The following CCDC73 variants were observed in gnomAD, a reference collection of about 807,000 sequenced individuals.
CCDC73 encodes the protein coiled-coil domain containing 73, also known as coiled-coil domain-containing protein 73.
CCDC73 carries 95 observed loss-of-function variants against 116.5 expected under a neutral mutation model. The ratio of observed to expected loss-of-function variants is 0.82; its 90% CI spans 0.69 to 0.97. The LOEUF (loss-of-function observed/expected upper bound fraction) is 0.97. Ranked by LOEUF, CCDC73 falls within the 50% of genes least tolerant of loss-of-function variation. CCDC73 has a pLI of 0.00. For missense variants in CCDC73, 1,066 were observed against 1,206.8 expected (o/e 0.88, Z 1.73); for synonymous variants, 398 against 401.3 (o/e 0.99, Z 0.10).
At chr11:32,754,675 G>T (rs1262325368) in intron 2 of CCDC73, among the ~76,000 whole-genome samples, 1 of 152,030 alleles carries the variant, frequency 6.6e-6, no homozygotes, top group African/African-American at 2.4e-5. Flanking sequence ...CTAAATAGCA[G>T]CAAAAGAACT....
chr11:32,631,443 T>G (rs1855629128), intron 14 of CCDC73, among the ~76,000 whole-genome samples: 1 of 152,178 alleles, frequency 6.6e-6, no homozygotes, highest in South Asian at 2.1e-4. Context: ...ATATTTGGAA[T>G]TTTCTCAAAT....
chr11:32,642,355 CT>C (rs1412549534), intron 12 of CCDC73, among the ~76,000 whole-genome samples: 1 of 151,908 alleles, frequency 6.6e-6, no homozygotes, highest in Non-Finnish European at 1.5e-5. Flanking sequence ...TTTTAATGTG[CT>C]GAAAAGGTAA....
chr11:32,809,892 A>G, the CCDC73 span, among the ~76,000 whole-genome samples: 3 of 152,218 alleles, frequency 2.0e-5, no homozygotes, highest in African/African-American at 4.8e-5. Flanking sequence ...AAAAGCATGC[A>G]TCGTAGGTAC....
chr11:32,693,726 C>T (rs562430954), intron 6 of CCDC73, among the ~76,000 whole-genome samples: 4 of 152,326 alleles, frequency 2.6e-5, no homozygotes, highest in South Asian at 2.1e-4. Context: ...ACGAACAAGT[C>T]GGCTTCATCC....
At position 32,699,368 on chromosome 11, in the gene CCDC73, A is replaced by G. The variant is rs771356138; in HGVS notation, c.316-43T>C. 1.2e-5 allele frequency: 17 copies of G among 1,476,762 alleles called. No homozygotes were observed. The African/African-American group carries it at 2.0e-4, about 17-fold the overall frequency. 91.5% of individuals were successfully genotyped at this position (1,476,762 alleles called of 1,614,324 possible). On this transcript the variant is annotated intron_variant, in intron 5 of 17. Coordinates refer to ENST00000335185, the MANE Select transcript of CCDC73 (RefSeq NM_001008391.4). ...TATTTCAATACTTTCCAATGTAAATAATAATACAAAGGGTAAAATATAAGA... is the reference window on the plus strand; with the variant it reads ...TATTTCAATACTTTCCAATGTAAATGATAATACAAAGGGTAAAATATAAGA...
intron 9 of CCDC73, among the ~76,000 whole-genome samples, chr11:32,672,845 C>T (rs1856051689): frequency 6.6e-6 from 1 of 152,140 alleles, no homozygotes; most frequent in East Asian, 1.9e-4. Flanking sequence ...ATTATCACCA[C>T]CCATCCTAAT....
At chr11:32,620,630 AAAAG>A (rs1855515264) in intron 14 of CCDC73, among the ~76,000 whole-genome samples, 1 of 151,072 alleles carries the variant, frequency 6.6e-6, no homozygotes, top group Non-Finnish European at 1.5e-5. Context: ...AAAAAAAAAA[AAAAG>A]AAGTGACATT....
At chr11:32,771,331 C>A (rs1010970900) in intron 1 of CCDC73, among the ~76,000 whole-genome samples, 1 of 152,046 alleles carries the variant, frequency 6.6e-6, no homozygotes, top group African/African-American at 2.4e-5. Context: ...GCCAAGAATC[C>A]AGAGGTATGG....
chr11:32,704,671 G>C (rs561767433), intron 3 of CCDC73, among the ~76,000 whole-genome samples: 1 of 152,358 alleles, frequency 6.6e-6, no homozygotes, highest in East Asian at 1.9e-4. Flanking sequence ...CTGGGGACCA[G>C]GGCTGTCAGT....
At chr11:32,743,664 T>C (rs1437226192) in intron 2 of CCDC73, among the ~76,000 whole-genome samples, 2 of 152,194 alleles carry the variant, frequency 1.3e-5, no homozygotes, top group African/African-American at 4.8e-5. Flanking sequence ...ATTCTCTTTG[T>C]AGTAATTGTG....
chr11:32,663,219 A>G (rs1423393464), intron 9 of CCDC73, among the ~76,000 whole-genome samples: 2 of 152,206 alleles, frequency 1.3e-5, no homozygotes, highest in Non-Finnish European at 2.9e-5. Context: ...TTCTGTGAAG[A>G]AAGTCATTGG....
chr11:32,674,363 T>A (rs114954105), intron 9 of CCDC73, among the ~76,000 whole-genome samples: 3,751 of 152,188 alleles, frequency 0.025, 142 homozygotes, highest in African/African-American at 0.085. Context: ...AAAACAGATA[T>A]CATTCTCTAC....
intron 6 of CCDC73, among the ~76,000 whole-genome samples, chr11:32,696,565 C>G (rs1856312614): frequency 6.6e-6 from 1 of 151,828 alleles, no homozygotes; most frequent in Middle Eastern, 3.2e-3. Flanking sequence ...TAGCCTGGAG[C>G]TACAGGCGTG....
At chr11:32,643,630 T>C (rs1304824787) in intron 12 of CCDC73, among the ~76,000 whole-genome samples, 2 of 152,168 alleles carry the variant, frequency 1.3e-5, no homozygotes, top group East Asian at 1.9e-4. Context: ...AAAGGTACAG[T>C]AAAAATGAAA....
intron 11 of CCDC73, among the ~76,000 whole-genome samples, 174 bp downstream of exon 11, chr11:32,653,804 A>G (rs1182184539): frequency 2.6e-5 from 4 of 152,200 alleles, no homozygotes; most frequent in Admixed American, 1.3e-4. Flanking sequence ...GGAAAAAACT[A>G]AGGTATTTTT....
chr11:32,602,799 C>T lies in CCDC73; in HGVS notation c.*12G>A. On this transcript the variant is annotated 3_prime_UTR_variant, in exon 18 of 18. Coordinates refer to ENST00000335185, the MANE Select transcript of CCDC73 (RefSeq NM_001008391.4). Reference sequence around the variant, plus strand: ...AGTTACATAATTTCACTACTGAAAGCACTTATCTACATTATTTTAATCTGT... The same window carrying T: ...AGTTACATAATTTCACTACTGAAAGTACTTATCTACATTATTTTAATCTGT... The T allele has an allele frequency of 1.3e-6, 2 of 1,521,474 alleles. No homozygotes were observed. Among genetic ancestry groups the T allele is most frequent in the Admixed American group, 2.0e-5 (1 of 48,896 alleles). The allele number at this position is 1,521,474 out of a possible 1,614,324, so 94.2% of individuals were successfully genotyped here.
chr11:32,772,197 T>G (rs921405546), intron 1 of CCDC73, among the ~76,000 whole-genome samples: 1 of 152,256 alleles, frequency 6.6e-6, no homozygotes. Context: ...AGTTTAATTT[T>G]TTTTATTCTG....
At chr11:32,609,246 C>T (rs1855391104) in intron 17 of CCDC73, among the ~76,000 whole-genome samples, 1 of 152,126 alleles carries the variant, frequency 6.6e-6, no homozygotes, top group Admixed American at 6.6e-5. Context: ...AACTGAATGC[C>T]TTTAACAGCG....
chr11:32,660,003 G>A (rs908884818), intron 9 of CCDC73, among the ~76,000 whole-genome samples: 3 of 152,096 alleles, frequency 2.0e-5, no homozygotes, highest in Admixed American at 2.0e-4. Context: ...GAGGAATAGA[G>A]TAATATTAAT....
Sources: gnomAD v4.1 joint callset for allele counts (sites outside exome capture counted in the v4.1 genomes callset) on GRCh38, gnomAD v4.1.1 for gene constraint, MANE v1.5 for transcripts, NCBI Gene and HGNC (gene_info 2026-07-23, HGNC 2026-07-21) for gene names.